Variants in CTNNA2 observed in about 807,000 individuals in gnomAD.
CTNNA2 encodes catenin alpha-2.
In CTNNA2, 42 loss-of-function variants were observed where a neutral mutation model predicts 101.0. The observed-to-expected ratio is 0.42, with a 90% confidence interval of 0.32 to 0.54. The LOEUF is 0.54. Among genes scored for constraint, CTNNA2 ranks in the 20% least tolerant of loss-of-function variants. The pLI, the probability that CTNNA2 is intolerant of heterozygous loss-of-function variation, is 0.14. For synonymous variants in CTNNA2, 450 were observed against 456.4 expected (o/e 0.99, Z 0.18); for missense variants, 871 against 1,223.1 (o/e 0.71, Z 4.29).
rs1674047154 is a variant in CTNNA2 at position 79,202,339 on chromosome 2, T to A, written c.-406+4263T>A. Among the ~76,000 whole-genome samples the A allele has an allele frequency of 3.4e-5, 5 of 145,976 alleles. No homozygotes were observed. The South Asian group carries it at 8.6e-4, about 25-fold the overall frequency. On this transcript the variant is annotated intron_variant, in intron 2 of 21. Coordinates refer to the CTNNA2 transcript ENST00000466387. ...TTTCCACACACTTGTTTTTTTATTT[T>A]TTTTATTTTTTTTATTTTTTTGAGA...
intron 2 of CTNNA2, among the ~76,000 whole-genome samples, chr2:79,693,503 C>T (rs1684457706): frequency 6.6e-6 from 1 of 151,900 alleles, no homozygotes; most frequent in Non-Finnish European, 1.5e-5. Flanking sequence ...TCAGTGAATA[C>T]AGTATGTTTT....
chr2:80,096,231 A>T (rs778400363), intron 7 of CTNNA2, among the ~76,000 whole-genome samples: 1 of 152,190 alleles, frequency 6.6e-6, no homozygotes, highest in Non-Finnish European at 1.5e-5. Context: ...TTCAAAGAAC[A>T]TCTTTATTTC....
chr2:79,753,868 T>TC (rs373563724), intron 3 of CTNNA2, among the ~76,000 whole-genome samples: 4,207 of 114,960 alleles, frequency 0.037, 154 homozygotes, highest in African/African-American at 0.14. Context: ...TTTTTCTCTC[T>TC]TTTTTTTTTT....
At chr2:80,112,083 G>T (rs1343763671) in intron 7 of CTNNA2, among the ~76,000 whole-genome samples, 2 of 152,066 alleles carry the variant, frequency 1.3e-5, no homozygotes, top group Non-Finnish European at 2.9e-5. Flanking sequence ...TTTATAACAA[G>T]AAATAAATGT....
chr2:80,391,131 G>GAA (rs555715820), intron 7 of CTNNA2, among the ~76,000 whole-genome samples: 13 of 70,796 alleles, frequency 1.8e-4, no homozygotes, highest in East Asian at 7.5e-4. Context: ...GACTGTCTCA[G>GAA]AAAAAAAAAA....
intron 1 of CTNNA2, among the ~76,000 whole-genome samples, chr2:79,569,782 A>G (rs1675349215): frequency 6.6e-6 from 1 of 152,232 alleles, no homozygotes; most frequent in African/African-American, 2.4e-5. Flanking sequence ...AGTAAGTTAA[A>G]TATAAAATAT....
chr2:80,216,126 GTGGGAGTATACCGA>G (rs1708253820), intron 7 of CTNNA2, among the ~76,000 whole-genome samples: 1 of 152,180 alleles, frequency 6.6e-6, no homozygotes, highest in African/African-American at 2.4e-5. Context: ...CAGTATTAGG[GTGGGAGTATACCGA>G]TTTTCCAGGT....
At chr2:79,850,869 G>T (rs573959014) in intron 3 of CTNNA2, among the ~76,000 whole-genome samples, 1 of 152,302 alleles carries the variant, frequency 6.6e-6, no homozygotes, top group South Asian at 2.1e-4. Context: ...TATTATAGAT[G>T]AAAGAGTTAC....
intron 9 of CTNNA2, among the ~76,000 whole-genome samples, chr2:80,458,886 G>A (rs1284883696): frequency 1.3e-5 from 2 of 152,164 alleles, no homozygotes; most frequent in African/African-American, 4.8e-5. Flanking sequence ...GGACATTTCA[G>A]TCTAGAATAG....
At chr2:79,976,733 A>G (rs944789017) in intron 7 of CTNNA2, among the ~76,000 whole-genome samples, 2 of 152,238 alleles carry the variant, frequency 1.3e-5, no homozygotes, top group Admixed American at 6.5e-5. Flanking sequence ...TATATAGTAC[A>G]GAAGAGCCAC....
chr2:79,205,506 A>G (rs1016633566), intron 2 of CTNNA2, among the ~76,000 whole-genome samples: 1 of 152,244 alleles, frequency 6.6e-6, no homozygotes, highest in African/African-American at 2.4e-5. Context: ...GAGTATAGAC[A>G]TAAAAAAGAC....
chr2:79,927,357 T>G (rs1687090337), intron 7 of CTNNA2, among the ~76,000 whole-genome samples: 1 of 152,088 alleles, frequency 6.6e-6, no homozygotes, highest in Non-Finnish European at 1.5e-5. Flanking sequence ...GAGTGGCTCT[T>G]GAGAGTGTCC....
intron 3 of CTNNA2, among the ~76,000 whole-genome samples, chr2:79,785,209 C>G (rs1674745889): frequency 6.6e-6 from 1 of 152,146 alleles, no homozygotes; most frequent in African/African-American, 2.4e-5. Context: ...GCCAATGGCT[C>G]TCCATCTTTT....
chr2:79,648,982 A>G (rs1681025873), intron 1 of CTNNA2, among the ~76,000 whole-genome samples: 1 of 152,150 alleles, frequency 6.6e-6, no homozygotes, highest in Admixed American at 6.5e-5. Context: ...TCAAAGGAAT[A>G]AATTAATTTG....
In CTNNA2 at chr2:79,997,575, T is replaced by C. The variant is rs116269234; in HGVS notation, c.1056+87778T>C. Among the ~76,000 whole-genome samples the C allele has an allele frequency of 7.2e-3, 1,092 of 152,224 alleles. 17 individuals are homozygous for C. The highest frequency in any genetic ancestry group is 0.024 in the African/African-American group (1,007 of 41,508). ...CTCCTCTTTAATTTCTTATGCTTTC[T>C]TGTCACAGATTTCTTTTCCCCCAAC... On this transcript the variant is annotated intron_variant, in intron 7 of 18. Coordinates refer to ENST00000402739, the MANE Select transcript of CTNNA2 (RefSeq NM_001282597.3).
intron 7 of CTNNA2, among the ~76,000 whole-genome samples, chr2:79,968,665 A>G (rs148569647): frequency 1.5e-3 from 222 of 152,300 alleles, no homozygotes; most frequent in African/African-American, 5.2e-3. Flanking sequence ...AACACAAAAA[A>G]CAAAATATAA....
In CTNNA2 at chr2:79,558,346, G is replaced by C. The variant is rs186297669; in HGVS notation, c.-6+45139G>C. On this transcript the variant is annotated intron_variant, in intron 1 of 18. Transcript: ENST00000402739. ...ATAATGCCATCTTAGTAAACTTCTG[G>C]TCTGATAACACGCCTAATAGGTACC... Among the ~76,000 whole-genome samples, 359 of 151,886 alleles carry C rather than the reference G, an allele frequency of 2.4e-3. 2 individuals are homozygous for C. Among genetic ancestry groups the C allele is most frequent in the African/African-American group, 7.2e-3 (299 of 41,480 alleles).
intron 6 of CTNNA2, among the ~76,000 whole-genome samples, chr2:79,887,560 T>C (rs950865017): frequency 2.6e-5 from 4 of 152,208 alleles, no homozygotes; most frequent in Non-Finnish European, 5.9e-5. Flanking sequence ...AGATATTATA[T>C]ATTTTGAATA....
chr2:79,723,172 G>A (rs557029201), intron 2 of CTNNA2, among the ~76,000 whole-genome samples: 42 of 109,060 alleles, frequency 3.9e-4, no homozygotes, highest in African/African-American at 1.8e-3. Context: ...ATAGACCTGC[G>A]TAGTTCATCT....
Sources: gnomAD v4.1 joint callset for allele counts (sites outside exome capture counted in the v4.1 genomes callset) on GRCh38, gnomAD v4.1.1 for gene constraint, MANE v1.5 for transcripts, NCBI Gene and HGNC (gene_info 2026-07-23, HGNC 2026-07-21) for gene names.